The following NRXN1 variants were observed in gnomAD, a reference collection of about 807,000 sequenced individuals.
NRXN1 encodes the protein neurexin 1, also known as neurexin-1.
In NRXN1, 39 loss-of-function variants were observed where a neutral mutation model predicts 150.9. The ratio of observed to expected loss-of-function variants is 0.26; its 90% confidence interval spans 0.20 to 0.34. NRXN1 has a LOEUF of 0.34. Ranked by LOEUF, NRXN1 falls within the 10% of genes least tolerant of loss-of-function variation. NRXN1 has a pLI of 1.00. For missense variants in NRXN1, 1,815 were observed against 1,949.9 expected, an observed-to-expected ratio of 0.93 and a Z score of 1.30; for synonymous variants, 924 against 757.0, an observed-to-expected ratio of 1.22 and a Z score of -3.62.
chr2:50,225,355 G>A (rs2064269979), intron 18 of NRXN1, among the ~76,000 whole-genome samples: 1 of 151,902 alleles, frequency 6.6e-6, no homozygotes, highest in Admixed American at 6.6e-5. Context: ...CATCTACTAA[G>A]CACCATGCTA....
At chr2:50,682,731 C>G (rs1026633430) in intron 5 of NRXN1, among the ~76,000 whole-genome samples, 1 of 151,942 alleles carries the variant, frequency 6.6e-6, no homozygotes, top group African/African-American at 2.4e-5. Flanking sequence ...AAGGGCCTAG[C>G]AAGACAGAGT....
At chr2:50,483,184 G>C (rs2090607547) in intron 15 of NRXN1, among the ~76,000 whole-genome samples, 2 of 151,742 alleles carry the variant, frequency 1.3e-5, no homozygotes, top group African/African-American at 4.8e-5. Flanking sequence ...ACTCCCACCA[G>C]TGCCATGACA....
chr2:50,479,349 T>G (rs1176961574), intron 15 of NRXN1, among the ~76,000 whole-genome samples: 2 of 152,116 alleles, frequency 1.3e-5, no homozygotes, highest in African/African-American at 2.4e-5. Context: ...CCTACTCAAC[T>G]TGGGGGACTC....
chr2:50,373,679 A>AAAGAAAGAAAGAAAGAAAGAAAGAAAG (rs1553513456), intron 17 of NRXN1, among the ~76,000 whole-genome samples: 1 of 65,634 alleles, frequency 1.5e-5, no homozygotes, highest in African/African-American at 6.0e-5. Context: ...AGAAAGAAAG[A>AAAGAAAGAAAGAAAGAAAGAAAGAAAG]AAAGAAAGAA....
At chr2:50,139,182 C>A (rs1400254163) in intron 18 of NRXN1, among the ~76,000 whole-genome samples, 1 of 151,896 alleles carries the variant, frequency 6.6e-6, no homozygotes, top group Non-Finnish European at 1.5e-5. Context: ...AAAAATTAGC[C>A]GGGCGTGGTG....
intron 22 of NRXN1, among the ~76,000 whole-genome samples, chr2:49,935,422 A>G (rs1670863371): frequency 6.6e-6 from 1 of 152,078 alleles, no homozygotes; most frequent in Non-Finnish European, 1.5e-5. Context: ...CTATACTGGC[A>G]TCTTTAATAC....
intron 21 of NRXN1, among the ~76,000 whole-genome samples, chr2:50,035,446 GCCAGCTGTTTA>G (rs1689880431): frequency 6.6e-6 from 1 of 151,950 alleles, no homozygotes; most frequent in African/African-American, 2.4e-5. Context: ...GTTAACTTCT[GCCAGCTGTTTA>G]ATTAAGCAGA....
intron 17 of NRXN1, among the ~76,000 whole-genome samples, chr2:50,386,499 A>G (rs1037331194): frequency 1.3e-5 from 2 of 152,144 alleles, no homozygotes; most frequent in East Asian, 3.9e-4. Flanking sequence ...GCAAACCCAG[A>G]ATGAAAGAGC....
chr2:50,045,380 T>C (rs908031794), intron 21 of NRXN1, among the ~76,000 whole-genome samples: 1 of 152,182 alleles, frequency 6.6e-6, no homozygotes, highest in Non-Finnish European at 1.5e-5. Flanking sequence ...TGTCACTCTG[T>C]TGCCCAAGCT....
chr2:50,575,440 AGGCAGAAAGCTCTCTCTGCAG>A (rs1295681799), intron 8 of NRXN1, among the ~76,000 whole-genome samples: 1 of 152,130 alleles, frequency 6.6e-6, no homozygotes, highest in African/African-American at 2.4e-5. Context: ...TGCTCCCTAG[AGGCAGAAAGCTCTCTCTGCAG>A]GCACCTACTT....
In NRXN1 at chr2:50,506,847, A is replaced by G. The variant is rs570730642; in HGVS notation, c.2375-230T>C. 1.6e-4 allele frequency: 85 copies of G among 518,680 alleles called. 1 individual carries two copies. In the South Asian group the frequency reaches 2.2e-3, roughly 14 times the overall value. 32.1% of individuals were successfully genotyped at this position (518,680 alleles called of 1,614,324 possible). A position where few individuals can be genotyped will look rare whatever the true frequency, so the allele number is the denominator to read the frequency against. On this transcript the variant is annotated intron_variant, in intron 12 of 22. Coordinates refer to ENST00000401669, the MANE Select transcript of NRXN1 (RefSeq NM_001330078.2). ...GCAAGCAAGGAAAATGACAACTTTT[A>G]CAAACATTCAGGTGTGACCATTTAA...
intron 21 of NRXN1, among the ~76,000 whole-genome samples, chr2:50,052,172 A>T (rs940945262): frequency 6.6e-5 from 10 of 152,064 alleles, no homozygotes; most frequent in African/African-American, 2.4e-4. Context: ...TCCAAACTGG[A>T]TGCAGGTCTG....
At chr2:49,997,111 T>A (rs1683127593) in intron 21 of NRXN1, among the ~76,000 whole-genome samples, 4 of 152,132 alleles carry the variant, frequency 2.6e-5, no homozygotes, top group Admixed American at 2.0e-4. Context: ...GATGCTGAAA[T>A]CTTTTTCGAA....
In NRXN1 at chr2:49,921,694, G is replaced by A. The variant is rs200707156; in HGVS notation, c.*250C>T. 35 of 492,156 alleles carry A rather than the reference G, an allele frequency of 7.1e-5. No individual in the cohort carries two copies. Among genetic ancestry groups the A allele is most frequent in the Middle Eastern group, 1.1e-3 (2 of 1,842 alleles). 30.5% of individuals were successfully genotyped at this position (492,156 alleles called of 1,614,324 possible). ...AAATGTTCCAGCAACATAAAGACAA[G>A]CAGAGTAAATGAAAACACTGTGGAT... is the stretch of plus-strand genomic sequence containing the variant. On this transcript the variant is annotated 3_prime_UTR_variant, in exon 23 of 23. Coordinates refer to ENST00000401669, the MANE Select transcript of NRXN1 (RefSeq NM_001330078.2).
intron 19 of NRXN1, among the ~76,000 whole-genome samples, chr2:50,072,758 G>A (rs966622814): frequency 6.6e-6 from 1 of 152,088 alleles, no homozygotes; most frequent in Non-Finnish European, 1.5e-5. Flanking sequence ...ATATACCTCA[G>A]TAAAGCTGCC....
chr2:50,869,463 A>G (rs2106087932), intron 5 of NRXN1, among the ~76,000 whole-genome samples: 1 of 151,802 alleles, frequency 6.6e-6, no homozygotes, highest in African/African-American at 2.4e-5. Flanking sequence ...AAAATAAAAA[A>G]AAAAGATGAC....
intron 17 of NRXN1, among the ~76,000 whole-genome samples, chr2:50,338,559 A>G (rs2077338894): frequency 6.6e-6 from 1 of 152,168 alleles, no homozygotes; most frequent in African/African-American, 2.4e-5. Flanking sequence ...AAGGATAACT[A>G]TACATAAAAT....
chr2:50,507,636 CAAAA>C (rs71404959), intron 12 of NRXN1, among the ~76,000 whole-genome samples: 317 of 107,484 alleles, frequency 2.9e-3, no homozygotes, highest in African/African-American at 9.7e-3. Flanking sequence ...TCCGTCACCT[CAAAA>C]AAAAAAAAAA....
At chr2:50,318,759 C>A (rs2075804743) in intron 17 of NRXN1, among the ~76,000 whole-genome samples, 1 of 151,922 alleles carries the variant, frequency 6.6e-6, no homozygotes, top group Non-Finnish European at 1.5e-5. Context: ...TATGATAAAA[C>A]TATTTTAAAA....
Sources: allele counts gnomAD v4.1 joint callset (sites outside exome capture counted in the v4.1 genomes callset), GRCh38; gene constraint gnomAD v4.1.1; transcripts MANE v1.5; gene names NCBI Gene and HGNC (gene_info 2026-07-23, HGNC 2026-07-21).